SSR3: variants seen among roughly 807,000 people sequenced by gnomAD.
SSR3 encodes the protein translocon-associated protein subunit gamma.
SSR3 carries 10 observed loss-of-function variants against 22.1 expected under a neutral mutation model. The ratio of observed to expected loss-of-function variants is 0.45; its 90% CI spans 0.28 to 0.77. The LOEUF (loss-of-function observed/expected upper bound fraction) is 0.77, where lower values mean the gene tolerates loss of function less well. Among genes scored for constraint, SSR3 ranks in the 30% least tolerant of loss-of-function variants. SSR3 has a pLI of 0.13. For missense variants in SSR3, 181 were observed against 220.5 expected (o/e 0.82, Z 1.13); for synonymous variants, 104 against 82.5 (o/e 1.26, Z -1.42).
intron 2 of SSR3, among the ~76,000 whole-genome samples, chr3:156,551,209 C>T (rs1719940490): frequency 6.6e-6 from 1 of 151,790 alleles, no homozygotes; most frequent in South Asian, 2.1e-4. Context: ...ACTAAATGTA[C>T]CATTAACTGT....
chr3:156,547,057 A>C (rs761743424), intron 3 of SSR3, among the ~76,000 whole-genome samples: 1 of 152,182 alleles, frequency 6.6e-6, no homozygotes, highest in Non-Finnish European at 1.5e-5. Flanking sequence ...TATCAAGGTC[A>C]ATCAATACAG....
chr3:156,548,851 T>A (rs1051202492), intron 3 of SSR3, 54 bp downstream of exon 3: 2 of 1,580,268 alleles, frequency 1.3e-6, no homozygotes, highest in African/African-American at 1.4e-5. Context: ...AATCAAAAAA[T>A]TCTCTTCAAA....
In SSR3 at chr3:156,541,673, C is replaced by T. The variant is rs1245531755; in HGVS notation, c.*1530G>A. The T allele has an allele frequency of 6.6e-6, 1 of 152,150 alleles. No homozygotes were observed. The highest frequency in any genetic ancestry group is 1.5e-5 in the Non-Finnish European group (1 of 68,026). The allele number at this position is 152,150 out of a possible 1,614,324, so 9.4% of individuals were successfully genotyped here. ...AATAATAAACCTCTAAAGTGTTACCCTAACTGTACCTTACAGTGATATGTG... is the reference window on the plus strand; with the variant it reads ...AATAATAAACCTCTAAAGTGTTACCTTAACTGTACCTTACAGTGATATGTG... On this transcript the variant is annotated 3_prime_UTR_variant, in exon 5 of 5. Coordinates refer to ENST00000265044, the MANE Select transcript of SSR3 (RefSeq NM_007107.5).
At chr3:156,548,833 T>TCC in intron 3 of SSR3, 72 bp downstream of exon 3, 1 of 1,569,438 alleles carries the variant, frequency 6.4e-7, no homozygotes, top group South Asian at 1.2e-5. Context: ...CCAAATTCTT[T>TCC]AAGCAAAAAT....
chr3:156,543,163 C>T lies in SSR3; in HGVS notation c.*40G>A, dbSNP rs1448291785. On this transcript the variant is annotated 3_prime_UTR_variant, in exon 5 of 5. Coordinates refer to ENST00000265044, the MANE Select transcript of SSR3 (RefSeq NM_007107.5). ...TGCTACTTTTCCATATACCACAGGC[C>T]ACCCATAGACACAAAGCCAGGGGGT... is the stretch of plus-strand genomic sequence containing the variant. 1.3e-6 allele frequency: 2 copies of T among 1,589,636 alleles called. No homozygotes were observed. The highest frequency in any genetic ancestry group is 3.4e-5 in the Admixed American group (2 of 59,232).
At chr3:156,552,387 T>G (rs935474215) in intron 2 of SSR3, among the ~76,000 whole-genome samples, 3 of 152,004 alleles carry the variant, frequency 2.0e-5, no homozygotes, top group African/African-American at 7.3e-5. Context: ...TACATACTCT[T>G]CATTGGATAA....
intron 2 of SSR3, 26 bp downstream of exon 2, chr3:156,553,629 T>C (rs1206586650): frequency 1.2e-6 from 2 of 1,607,002 alleles, no homozygotes; most frequent in Non-Finnish European, 1.7e-6. Flanking sequence ...ATGTAGTACG[T>C]ACTTTCACTT....
chr3:156,549,170 G>T, intron 2 of SSR3, 167 bp from the exon 3 acceptor site: 1 of 576,398 alleles, frequency 1.7e-6, no homozygotes, highest in Non-Finnish European at 2.8e-6. Context: ...CACTGCACTA[G>T]CCAAAAGAGA....
rs564704268 is a variant in SSR3, at chr3:156,542,848, T to A, written c.*355A>T. The A allele has an allele frequency of 4.8e-6, 1 of 208,388 alleles. No homozygotes were observed. The highest frequency in any genetic ancestry group is 1.7e-4 in the South Asian group (1 of 5,756). The allele number at this position is 208,388 out of a possible 1,614,324, so 12.9% of individuals were successfully genotyped here. Reference sequence around the variant, plus strand: ...GCTTGGAACACAGAGAACCAGTTATTAACTTCCTACTACTATTATATAATA... The same window carrying A: ...GCTTGGAACACAGAGAACCAGTTATAAACTTCCTACTACTATTATATAATA... On this transcript the variant is annotated 3_prime_UTR_variant, in exon 5 of 5. Coordinates refer to ENST00000265044, the MANE Select transcript of SSR3 (RefSeq NM_007107.5).
chr3:156,554,099 C>T (rs768316074), intron 1 of SSR3: 3 of 198,612 alleles, frequency 1.5e-5, no homozygotes, highest in Non-Finnish European at 3.0e-5. Flanking sequence ...AGGGTACTAG[C>T]ATGCGAAACA....
At chr3:156,548,814 T>C in intron 3 of SSR3, 91 bp downstream of exon 3, 1 of 1,522,862 alleles carries the variant, frequency 6.6e-7, no homozygotes, top group African/African-American at 1.4e-5. Flanking sequence ...CCTCAGACAA[T>C]TCCAAAATCC....
intron 2 of SSR3, 21 bp from the exon 3 acceptor site, chr3:156,549,024 GAA>G (rs759680224): frequency 1.7e-5 from 28 of 1,601,098 alleles, no homozygotes; most frequent in East Asian, 1.3e-4. Flanking sequence ...AAGAAAAAAA[GAA>G]AAAGTTTCCA....
At position 156,555,063 on chromosome 3, in the gene SSR3, C is replaced by T. The variant is rs780790868; in HGVS notation, c.27G>A (p.Gln9=). 1 of 1,613,908 alleles carries T rather than the reference C, an allele frequency of 6.2e-7. No individual in the cohort carries two copies. Among genetic ancestry groups the T allele is most frequent in the Non-Finnish European group, 8.5e-7 (1 of 1,179,950 alleles). The change falls in exon 1 of 5, where the codon CAG becomes CAA. Residue 9 remains glutamine (Q), a synonymous_variant. Coordinates refer to ENST00000265044, the MANE Select transcript of SSR3 (RefSeq NM_007107.5). ...GCAGGAGCAGGTCCTCCTCAGACTG[C>T]TGTTTGGAGCTGCCTTTAGGAGCCA... MAPKGSSK[Q]QSEEDLLLQD... is the part of the protein sequence containing the mutation.
In SSR3 at chr3:156,542,770, T is replaced by C. The variant is rs1206337034; in HGVS notation, c.*433A>G. 6.3e-6 allele frequency: 1 copy of C among 159,994 alleles called. No individual in the cohort carries two copies. Among genetic ancestry groups the C allele is most frequent in the Non-Finnish European group, 1.4e-5 (1 of 73,596 alleles). 9.9% of individuals were successfully genotyped at this position (159,994 alleles called of 1,614,324 possible). A position where few individuals can be genotyped will look rare whatever the true frequency, so the allele number is the denominator to read the frequency against. ...AACATTAAGCTTCTGTTCAATCCCC[T>C]GGGAAGAGGATTCATTCTGATATTT... On this transcript the variant is annotated 3_prime_UTR_variant, in exon 5 of 5. Transcript: ENST00000265044.
In SSR3 at chr3:156,555,038, G is replaced by C. The variant is rs753696947; in HGVS notation, c.52C>G (p.Gln18Glu). 8.7e-6 allele frequency: 14 copies of C among 1,614,026 alleles called. No individual in the cohort carries two copies. The South Asian group carries it at 1.5e-4, about 18-fold the overall frequency. ...GCCGAGAGATTGCGGCTGAAATCCT[G>C]CAGGAGCAGGTCCTCCTCAGACTGC... ...KQQSEEDLLLQDFSRNLSAKS... is the reference protein window; with the variant it reads ...KQQSEEDLLLEDFSRNLSAKS... The change falls in exon 1 of 5, where the codon CAG becomes GAG. Residue 18 changes from glutamine to glutamate, a missense_variant. Gln to Glu is a conservative substitution (Grantham distance 29, BLOSUM62 2). Transcript: ENST00000265044.
At position 156,542,138 on chromosome 3, in the gene SSR3, T is replaced by C. The variant is rs1021460188; in HGVS notation, c.*1065A>G. ...TCCCAAACTTTTTCAAGTCATGGCA[T>C]ACACAAGAAATGATATCTGTACATA... On this transcript the variant is annotated 3_prime_UTR_variant, in exon 5 of 5. Transcript: ENST00000265044. 5.3e-5 allele frequency: 8 copies of C among 152,322 alleles called. No homozygotes were observed. In the East Asian group the frequency reaches 1.2e-3, roughly 22 times the overall value. The allele number at this position is 152,322 out of a possible 1,614,324, so 9.4% of individuals were successfully genotyped here. A position where few individuals can be genotyped will look rare whatever the true frequency, so the allele number is the denominator to read the frequency against.
chr3:156,548,740 TA>T, intron 3 of SSR3, 164 bp downstream of exon 3: 1 of 804,204 alleles, frequency 1.2e-6, no homozygotes, highest in Non-Finnish European at 1.9e-6. Context: ...CTGGTTGTAA[TA>T]AAAACTCTAA....
rs1262450036 is a variant in SSR3 at position 156,541,069 on chromosome 3, AAAC to A, written c.*2131_*2133del. 1 of 152,246 alleles carries A rather than the reference AAAC, an allele frequency of 6.6e-6. No homozygotes were observed. Among genetic ancestry groups the A allele is most frequent in the Non-Finnish European group, 1.5e-5 (1 of 68,040 alleles). 9.4% of individuals were successfully genotyped at this position (152,246 alleles called of 1,614,324 possible). A position where few individuals can be genotyped will look rare whatever the true frequency, so the allele number is the denominator to read the frequency against. ...TGCTGTAGGAAAAATTCACAACAGT[AAAC>A]AAATTTTGCTCACTCATTTTCCTAC... On this transcript the variant is annotated 3_prime_UTR_variant, in exon 5 of 5. Transcript: ENST00000265044.
intron 1 of SSR3, 52 bp downstream of exon 1, chr3:156,554,905 C>A: frequency 6.3e-7 from 1 of 1,581,608 alleles, no homozygotes; most frequent in East Asian, 2.3e-5. Context: ...ACGTCCCCGC[C>A]CAGCCCGACT....
Sources: allele counts gnomAD v4.1 joint callset (sites outside exome capture counted in the v4.1 genomes callset), GRCh38; gene constraint gnomAD v4.1.1; transcripts MANE v1.5; gene names NCBI Gene and HGNC (gene_info 2026-07-23, HGNC 2026-07-21).